The following CENPW variants were observed in gnomAD, a reference collection of about 807,000 sequenced individuals.
CENPW encodes the protein centromere protein W.
In CENPW, 3 loss-of-function variants were observed where a neutral mutation model predicts 11.1. The observed-to-expected ratio is 0.27, with a 90% CI of 0.12 to 0.70. The LOEUF (loss-of-function observed/expected upper bound fraction) is 0.70, where lower values mean the gene tolerates loss of function less well. Ranked by LOEUF, CENPW falls within the 30% of genes least tolerant of loss-of-function variation. CENPW has a pLI of 0.77. For synonymous variants in CENPW, 38 were observed against 42.0 expected, an observed-to-expected ratio of 0.91 and a Z score of 0.37; for missense variants, 100 against 105.6, an observed-to-expected ratio of 0.95 and a Z score of 0.23.
chr6:126,479,150 T>C, the CENPW span, among the ~76,000 whole-genome samples: 3 of 152,058 alleles, frequency 2.0e-5, no homozygotes, highest in African/African-American at 7.2e-5. Flanking sequence ...AACTATAGTC[T>C]GTTCTTTCAT....
chr6:126,416,245 A>C, the CENPW span, among the ~76,000 whole-genome samples: 1 of 152,098 alleles, frequency 6.6e-6, no homozygotes, highest in Non-Finnish European at 1.5e-5. Context: ...ATTGAGAGAG[A>C]TGATTTAGGG....
chr6:126,435,278 A>AT, the CENPW span, among the ~76,000 whole-genome samples: 2 of 151,818 alleles, frequency 1.3e-5, no homozygotes, highest in African/African-American at 2.4e-5. Context: ...GTGGAAAAAT[A>AT]TTTTTTTATA....
the CENPW span, among the ~76,000 whole-genome samples, chr6:126,469,615 A>G: frequency 6.6e-6 from 1 of 152,162 alleles, no homozygotes; most frequent in Non-Finnish European, 1.5e-5. Context: ...AGACAAGAAG[A>G]TGTGGGAAGC....
chr6:126,470,908 C>A, the CENPW span, among the ~76,000 whole-genome samples: 73 of 152,286 alleles, frequency 4.8e-4, no homozygotes, highest in Non-Finnish European at 1.0e-3. Flanking sequence ...AATGCCTGTA[C>A]CAGCATTATA....
At chr6:126,341,481 G>T (rs1182541560) in intron 1 of CENPW, among the ~76,000 whole-genome samples, 2 of 151,870 alleles carry the variant, frequency 1.3e-5, no homozygotes, top group African/African-American at 4.8e-5. Flanking sequence ...TAGAATTATC[G>T]CCCCTTTCCC....
At chr6:126,473,583 T>A in the CENPW span, among the ~76,000 whole-genome samples, 1 of 151,698 alleles carries the variant, frequency 6.6e-6, no homozygotes, top group Non-Finnish European at 1.5e-5. Flanking sequence ...ATAAAAAAAA[T>A]TAGCTGGGTG....
the CENPW span, among the ~76,000 whole-genome samples, chr6:126,414,890 C>G: frequency 3.3e-5 from 5 of 151,390 alleles, no homozygotes; most frequent in Non-Finnish European, 7.4e-5. Flanking sequence ...AAGACTCACA[C>G]AAATAAATTA....
At position 126,344,283 on chromosome 6, in the gene CENPW, G is replaced by A. The variant is rs111357523; in HGVS notation, c.127-1922G>A. Among the ~76,000 whole-genome samples, 527 of 152,310 alleles carry A rather than the reference G, an allele frequency of 3.5e-3. 4 individuals carry two copies. Among genetic ancestry groups the A allele is most frequent in the Middle Eastern group, 0.014 (4 of 294 alleles). On this transcript the variant is annotated intron_variant, in intron 1 of 2. Coordinates refer to ENST00000368328, the MANE Select transcript of CENPW (RefSeq NM_001012507.4). ...AATATAACCTTACATATTGGGGGAA[G>A]TTGGGCTTTTCAGAGAAGTCTATAA...
the CENPW span, among the ~76,000 whole-genome samples, chr6:126,457,611 G>C: frequency 6.6e-6 from 1 of 151,350 alleles, no homozygotes; most frequent in Middle Eastern, 3.4e-3. Context: ...CTTTATCAGC[G>C]TCATGACATC....
At chr6:126,440,575 A>G in the CENPW span, among the ~76,000 whole-genome samples, 1 of 151,564 alleles carries the variant, frequency 6.6e-6, no homozygotes, top group Non-Finnish European at 1.5e-5. Flanking sequence ...AGTATATGCT[A>G]ATATATAGAG....
chr6:126,439,574 C>T, the CENPW span, among the ~76,000 whole-genome samples: 1 of 151,490 alleles, frequency 6.6e-6, no homozygotes, highest in African/African-American at 2.4e-5. Flanking sequence ...TGAAAAGTTT[C>T]AGTCTATCAA....
At chr6:126,437,640 T>C in the CENPW span, among the ~76,000 whole-genome samples, 1 of 151,920 alleles carries the variant, frequency 6.6e-6, no homozygotes, top group Non-Finnish European at 1.5e-5. Flanking sequence ...TTTTAATGTT[T>C]CCAAGAATCA....
chr6:126,393,270 TTTTAA>T, the CENPW span, among the ~76,000 whole-genome samples: 1 of 151,908 alleles, frequency 6.6e-6, no homozygotes, highest in Non-Finnish European at 1.5e-5. Context: ...CATTTTTTTG[TTTTAA>T]TTTTATTTAA....
chr6:126,480,040 CA>C, the CENPW span, among the ~76,000 whole-genome samples: 1 of 151,960 alleles, frequency 6.6e-6, no homozygotes, highest in Admixed American at 6.6e-5. Context: ...ACCTGAGGCC[CA>C]ACCCAACTGT....
downstream of CENPW, among the ~76,000 whole-genome samples, chr6:126,352,762 A>G (rs1197921152): frequency 6.6e-6 from 1 of 152,086 alleles, no homozygotes; most frequent in East Asian, 1.9e-4. Flanking sequence ...CAGTCCATTT[A>G]CATTTAATGT....
Position 126,340,218 on chromosome 6 carries a change from G to T in CENPW, c.-56G>T. 6.4e-7 allele frequency: 1 copy of T among 1,555,932 alleles called. No homozygotes were observed. Among genetic ancestry groups the T allele is most frequent in the Non-Finnish European group, 8.8e-7 (1 of 1,131,806 alleles). Reference sequence around the variant, plus strand: ...CGCTGGCCCAGTGTCCCCGGAGCTTGTGTGCGATACAGAGAGCACCTCGGA... The same window carrying T: ...CGCTGGCCCAGTGTCCCCGGAGCTTTTGTGCGATACAGAGAGCACCTCGGA... On this transcript the variant is annotated 5_prime_UTR_variant, in exon 1 of 3. Transcript: ENST00000368328.
chr6:126,423,298 C>T, the CENPW span, among the ~76,000 whole-genome samples: 1 of 151,976 alleles, frequency 6.6e-6, no homozygotes, highest in East Asian at 1.9e-4. Context: ...TGACTCTTTT[C>T]CTCTCTCTTC....
the CENPW span, among the ~76,000 whole-genome samples, chr6:126,414,674 T>G: frequency 1.2e-3 from 178 of 151,450 alleles, no homozygotes; most frequent in African/African-American, 4.1e-3. Flanking sequence ...ACCAAAAAAG[T>G]AAAAAGATTT....
chr6:126,411,227 C>T, the CENPW span, among the ~76,000 whole-genome samples: 1 of 152,168 alleles, frequency 6.6e-6, no homozygotes, highest in Non-Finnish European at 1.5e-5. Flanking sequence ...GATGTAGTCT[C>T]TGCAGATTCT....
Sources: gnomAD v4.1 joint callset for allele counts (sites outside exome capture counted in the v4.1 genomes callset) on GRCh38, gnomAD v4.1.1 for gene constraint, MANE v1.5 for transcripts, NCBI Gene and HGNC (gene_info 2026-07-23, HGNC 2026-07-21) for gene names.